The following GABRA3 variants were observed in gnomAD, a reference collection of about 807,000 sequenced individuals.
GABRA3 encodes gamma-aminobutyric acid type A receptor subunit alpha3.
GABRA3 carries 10 observed loss-of-function variants against 30.1 expected under a neutral mutation model. The observed-to-expected ratio is 0.33, with a 90% CI of 0.20 to 0.56. GABRA3 has a LOEUF of 0.56. GABRA3 is among the 20% of genes least tolerant of loss of function. GABRA3 has a pLI of 0.89. For synonymous variants in GABRA3, 151 were observed against 146.8 expected, an observed-to-expected ratio of 1.03 and a Z score of -0.21; for missense variants, 233 against 392.0, an observed-to-expected ratio of 0.59 and a Z score of 3.42.
chrX:152,182,567 TATATATGC>T (rs1366328434), intron 9 of GABRA3, among the ~76,000 whole-genome samples: 3 of 77,051 alleles, frequency 3.9e-5, no homozygotes, highest in African/African-American at 1.6e-4. Flanking sequence ...ATATATATAC[TATATATGC>T]ATATATAGTG....
intron 6 of GABRA3, among the ~76,000 whole-genome samples, chrX:152,216,438 ACAC>A (rs1937726042): frequency 2.0e-5 from 2 of 100,185 alleles, no homozygotes; most frequent in Admixed American, 2.3e-4. Flanking sequence ...ACACACACAC[ACAC>A]AATGGAATGC....
intron 1 of GABRA3, among the ~76,000 whole-genome samples, chrX:152,421,117 AC>A (rs1887031716): frequency 1.8e-5 from 2 of 109,076 alleles, no homozygotes; most frequent in Non-Finnish European, 3.8e-5. Context: ...ACACACACAC[AC>A]ACACACACAC....
At chrX:152,297,979 C>G (rs774174371) in intron 3 of GABRA3, among the ~76,000 whole-genome samples, 1 of 112,188 alleles carries the variant, frequency 8.9e-6, no homozygotes, top group East Asian at 2.8e-4. Flanking sequence ...GCTCACTGCA[C>G]AATATCCTTT....
intron 3 of GABRA3, among the ~76,000 whole-genome samples, chrX:152,342,436 C>T (rs1465852118): frequency 7.1e-5 from 8 of 111,911 alleles, no homozygotes; most frequent in Non-Finnish European, 1.5e-4. Flanking sequence ...AGCTGTACCA[C>T]AGTGCACTGA....
At chrX:152,308,941 C>A (rs1296327095) in intron 3 of GABRA3, among the ~76,000 whole-genome samples, 4 of 111,977 alleles carry the variant, frequency 3.6e-5, no homozygotes, top group Admixed American at 9.5e-5. Flanking sequence ...TAAGAAAGAA[C>A]CAAATTGATC....
intron 7 of GABRA3, among the ~76,000 whole-genome samples, chrX:152,199,344 C>T (rs764666639): frequency 4.9e-5 from 5 of 101,825 alleles, no homozygotes; most frequent in East Asian, 3.0e-4. Context: ...CCAGCCTGGG[C>T]AACAGGCGAG....
Position 152,379,672 on chromosome X carries a change from G to T in GABRA3, c.-26-15076C>A, listed in dbSNP as rs1929089333. Among the ~76,000 whole-genome samples the T allele has an allele frequency of 2.7e-5, 3 of 111,297 alleles. No individual in the cohort carries two copies. In the South Asian group the frequency reaches 1.1e-3, roughly 41 times the overall value. ...TTCCTTTTCTTTGGGCTTATTTTTT[G>T]ATTGGTTGATAAAATTTGACAAAGG... On this transcript the variant is annotated intron_variant, in intron 1 of 9. Transcript: ENST00000370314.
intron 4 of GABRA3, among the ~76,000 whole-genome samples, chrX:152,270,977 T>G (rs1185197727): frequency 2.8e-5 from 3 of 108,946 alleles, no homozygotes; most frequent in Non-Finnish European, 5.7e-5. Flanking sequence ...TTTTTTTTTT[T>G]TGAGAGAAAG....
chrX:152,392,270 A>T (rs959507604), intron 1 of GABRA3: 1 of 385,317 alleles, frequency 2.6e-6, no homozygotes, highest in East Asian at 7.5e-5. Context: ...CAGCCACCAC[A>T]GGAGTCTGAG....
At chrX:152,232,504 A>G (rs1032403286) in intron 5 of GABRA3, among the ~76,000 whole-genome samples, 3 of 110,184 alleles carry the variant, frequency 2.7e-5, no homozygotes, top group Admixed American at 9.8e-5. Flanking sequence ...TATAAACGAT[A>G]ACATGCAGTA....
intron 3 of GABRA3, among the ~76,000 whole-genome samples, chrX:152,333,749 G>A (rs1940195245): frequency 9.0e-6 from 1 of 111,705 alleles, no homozygotes; most frequent in Non-Finnish European, 1.9e-5. Context: ...ACATTATTCA[G>A]AGGAATTACA....
chrX:152,190,871 AATAT>A lies in GABRA3; in HGVS notation c.932-934_932-931del, dbSNP rs59438630. Among the ~76,000 whole-genome samples the A allele has an allele frequency of 1.3e-4, 14 of 105,038 alleles. No individual in the cohort carries two copies. The South Asian group carries it at 1.7e-3, about 13-fold the overall frequency. 91.2% of individuals were successfully genotyped at this position (105,038 alleles called of 115,157 possible). ...TTTTCATATTTTAGATATGCATGTG[AATAT>A]ATATATATATATAATATAAAATTGT... On this transcript the variant is annotated intron_variant, in intron 8 of 9. Transcript: ENST00000370314.
intron 8 of GABRA3, among the ~76,000 whole-genome samples, chrX:152,190,887 T>TAA (rs1234659762): frequency 9.2e-6 from 1 of 108,301 alleles, no homozygotes; most frequent in Non-Finnish European, 1.9e-5. Context: ...TATATATATA[T>TAA]AATATAAAAT....
At chrX:152,219,805 C>G (rs188870765) in intron 6 of GABRA3, among the ~76,000 whole-genome samples, 1 of 110,339 alleles carries the variant, frequency 9.1e-6, no homozygotes, top group African/African-American at 3.3e-5. Context: ...TAGTATACTA[C>G]ACACACAGTA....
At chrX:152,319,067 T>C (rs1273422466) in intron 3 of GABRA3, among the ~76,000 whole-genome samples, 1 of 111,364 alleles carries the variant, frequency 9.0e-6, no homozygotes, top group Non-Finnish European at 1.9e-5. Context: ...AATATGATCA[T>C]ATGCCAAGAA....
intron 1 of GABRA3, among the ~76,000 whole-genome samples, chrX:152,377,629 AC>A (rs1413558237): frequency 1.8e-5 from 2 of 111,438 alleles, no homozygotes; most frequent in African/African-American, 3.3e-5. Context: ...AGAAAAAAAA[AC>A]AACCTAAGGA....
intron 3 of GABRA3, among the ~76,000 whole-genome samples, chrX:152,295,707 C>T (rs1939517292): frequency 8.9e-6 from 1 of 112,424 alleles, no homozygotes; most frequent in Admixed American, 9.4e-5. Context: ...GCTGCACCCA[C>T]TGTCCAAACA....
At chrX:152,273,864 G>A (rs1938993805) in intron 4 of GABRA3, among the ~76,000 whole-genome samples, 1 of 111,086 alleles carries the variant, frequency 9.0e-6, no homozygotes. Flanking sequence ...ACTCAAAATG[G>A]TAAAGATGGT....
intron 1 of GABRA3, among the ~76,000 whole-genome samples, chrX:152,375,949 T>G (rs1419317698): frequency 8.9e-6 from 1 of 111,912 alleles, no homozygotes; most frequent in Non-Finnish European, 1.9e-5. Flanking sequence ...CATATCCCCT[T>G]GGATCTCTTC....
Sources: gnomAD v4.1 joint callset for allele counts (sites outside exome capture counted in the v4.1 genomes callset) on GRCh38, gnomAD v4.1.1 for gene constraint, MANE v1.5 for transcripts, NCBI Gene and HGNC (gene_info 2026-07-23, HGNC 2026-07-21) for gene names.